ARMH4: variants seen among roughly 807,000 people sequenced by gnomAD.
ARMH4 encodes the protein armadillo like helical domain containing 4.
Under a neutral mutation model 61.9 loss-of-function variants are expected in ARMH4, and 49 were observed. The observed-to-expected ratio is 0.79, with a 90% CI of 0.63 to 1.00. The LOEUF is 1.00. ARMH4 is among the 50% of genes least tolerant of loss of function. The pLI, the probability that ARMH4 is intolerant of heterozygous loss-of-function variation, is 0.00. For missense variants in ARMH4, 934 were observed against 930.0 expected (o/e 1.00, Z -0.06); for synonymous variants, 368 against 341.5 (o/e 1.08, Z -0.85).
At chr14:58,058,222 C>G (rs1310322898) in intron 5 of ARMH4, among the ~76,000 whole-genome samples, 2 of 152,098 alleles carry the variant, frequency 1.3e-5, no homozygotes, top group Admixed American at 6.5e-5. Flanking sequence ...TTTAAATCAA[C>G]TCTAGATTAT....
chr14:58,082,283 G>C (rs1370764924), intron 5 of ARMH4, among the ~76,000 whole-genome samples: 6 of 152,160 alleles, frequency 3.9e-5, no homozygotes, highest in Non-Finnish European at 5.9e-5. Flanking sequence ...AGGAAGTAGT[G>C]GGTAAAGGAA....
chr14:58,014,942 G>A (rs1882551045), intron 5 of ARMH4, among the ~76,000 whole-genome samples: 1 of 152,174 alleles, frequency 6.6e-6, no homozygotes, highest in Non-Finnish European at 1.5e-5. Flanking sequence ...AGAGGTGGAG[G>A]CAGGAATGTT....
intron 5 of ARMH4, among the ~76,000 whole-genome samples, chr14:58,050,398 T>G (rs1037885595): frequency 6.6e-6 from 1 of 152,160 alleles, no homozygotes; most frequent in Admixed American, 6.5e-5. Flanking sequence ...CTACTCAAAT[T>G]CATGCCTTCC....
intron 5 of ARMH4, among the ~76,000 whole-genome samples, chr14:58,033,934 A>G (rs1273477315): frequency 2.0e-5 from 1 of 48,836 alleles, no homozygotes; most frequent in African/African-American, 7.2e-5. Context: ...TGATTGGTGT[A>G]CCTGAAAGTG....
chr14:58,128,729 G>A (rs371435051), intron 4 of ARMH4, among the ~76,000 whole-genome samples: 9 of 152,144 alleles, frequency 5.9e-5, no homozygotes, highest in African/African-American at 1.2e-4. Context: ...CAGGTAGCAC[G>A]TCTGTCTTCA....
At chr14:58,142,442 CTTTT>C (rs762152282) in intron 1 of ARMH4, among the ~76,000 whole-genome samples, 7 of 148,468 alleles carry the variant, frequency 4.7e-5, no homozygotes, top group South Asian at 4.3e-4. Context: ...TTCCTTCCTC[CTTTT>C]TTTGTTTCTT....
Position 58,128,074 on chromosome 14 carries a change from TG to T in ARMH4, c.1831+3437del, listed in dbSNP as rs576909461. 5.3e-3 allele frequency among the ~76,000 whole-genome samples: 814 copies of T among 152,272 alleles called. 8 individuals are homozygous for T. The highest frequency in any genetic ancestry group is 0.019 in the African/African-American group (779 of 41,564). Reference sequence around the variant, plus strand: ...AGCACAGATTAATTTCCATCTTCCATGGGGGTATACAGAAAGAATAAAATAA... The same window carrying T: ...AGCACAGATTAATTTCCATCTTCCATGGGGTATACAGAAAGAATAAAATAA... On this transcript the variant is annotated intron_variant, in intron 4 of 7. Coordinates refer to ENST00000267485, the MANE Select transcript of ARMH4 (RefSeq NM_001001872.4).
chr14:58,065,286 T>G (rs866198233), intron 5 of ARMH4, among the ~76,000 whole-genome samples: 1 of 152,160 alleles, frequency 6.6e-6, no homozygotes, highest in East Asian at 1.9e-4. Context: ...GTGTTGCCTA[T>G]GATGTGATTG....
chr14:58,083,372 G>A (rs1885287459), intron 5 of ARMH4, among the ~76,000 whole-genome samples: 1 of 152,214 alleles, frequency 6.6e-6, no homozygotes, highest in Non-Finnish European at 1.5e-5. Flanking sequence ...TTGAGGCCAG[G>A]AGTTTGAGAC....
chr14:58,010,657 G>A (rs1023869704), intron 6 of ARMH4, among the ~76,000 whole-genome samples: 4 of 151,948 alleles, frequency 2.6e-5, no homozygotes, highest in Non-Finnish European at 5.9e-5. Context: ...CAAGAAAAAG[G>A]TACCAAGATT....
At position 58,133,081 on chromosome 14, in the gene ARMH4, C is replaced by A; in HGVS notation, c.1621+9G>T. On this transcript the variant is annotated intron_variant, in intron 3 of 7. Transcript: ENST00000267485. ...CCCAAAACAGAGTCCAATATCCTCC[C>A]TTACAGACCTTCCACAGTGGGAGTA... 1 of 1,614,032 alleles carries A rather than the reference C, an allele frequency of 6.2e-7. No homozygotes were observed. The highest frequency in any genetic ancestry group is 1.1e-5 in the South Asian group (1 of 91,046).
At chr14:58,107,951 C>T (rs903041320) in intron 4 of ARMH4, among the ~76,000 whole-genome samples, 1 of 152,046 alleles carries the variant, frequency 6.6e-6, no homozygotes, top group Non-Finnish European at 1.5e-5. Flanking sequence ...TGTAGGCATA[C>T]GTTTTCCTGG....
At chr14:58,100,780 T>C (rs538358236) in intron 4 of ARMH4, among the ~76,000 whole-genome samples, 3 of 151,932 alleles carry the variant, frequency 2.0e-5, no homozygotes, top group Non-Finnish European at 2.9e-5. Context: ...AAGACCAAGA[T>C]CACAGCTTCA....
intron 4 of ARMH4, among the ~76,000 whole-genome samples, chr14:58,127,488 C>T (rs559037509): frequency 6.6e-6 from 1 of 152,302 alleles, no homozygotes; most frequent in East Asian, 1.9e-4. Flanking sequence ...ACCTCTTTCA[C>T]TTTATTAAAC....
At chr14:58,099,642 G>A (rs1218632492) in intron 4 of ARMH4, among the ~76,000 whole-genome samples, 1 of 152,140 alleles carries the variant, frequency 6.6e-6, no homozygotes. Flanking sequence ...GAGAAAATAG[G>A]GGGCAGGTGG....
chr14:58,116,918 C>T (rs1378962781), intron 4 of ARMH4, among the ~76,000 whole-genome samples: 2 of 152,210 alleles, frequency 1.3e-5, no homozygotes, highest in African/African-American at 4.8e-5. Context: ...CTGGTAGAGC[C>T]CTGTAGCAAT....
intron 4 of ARMH4, among the ~76,000 whole-genome samples, chr14:58,106,266 G>A (rs1163496418): frequency 6.6e-6 from 1 of 152,116 alleles, no homozygotes; most frequent in Non-Finnish European, 1.5e-5. Context: ...TGATGCTCCT[G>A]CTAGCATGTC....
intron 4 of ARMH4, among the ~76,000 whole-genome samples, chr14:58,110,285 A>T (rs1288205276): frequency 6.6e-6 from 1 of 151,588 alleles, no homozygotes; most frequent in East Asian, 1.9e-4. Context: ...TTGTGGAGTG[A>T]CTAAATCTAA....
chr14:58,147,212 T>G (rs760183937), intron 1 of ARMH4, among the ~76,000 whole-genome samples: 1 of 152,190 alleles, frequency 6.6e-6, no homozygotes, highest in Non-Finnish European at 1.5e-5. Flanking sequence ...TCTTTTGGAA[T>G]TGTAACTTCT....
Sources: gnomAD v4.1 joint callset for allele counts (sites outside exome capture counted in the v4.1 genomes callset) on GRCh38, gnomAD v4.1.1 for gene constraint, MANE v1.5 for transcripts, NCBI Gene and HGNC (gene_info 2026-07-23, HGNC 2026-07-21) for gene names.